The following PSG3 variants were observed in gnomAD, a reference collection of about 807,000 sequenced individuals.
PSG3 encodes the protein pregnancy specific beta-1-glycoprotein 3.
PSG3 carries 61 observed loss-of-function variants against 47.5 expected under a neutral mutation model. That is an observed-to-expected ratio of 1.28 (90% CI 1.05 to 1.59). The LOEUF is 1.59. PSG3 is among the 40% of genes most tolerant of loss of function. PSG3 has a pLI of 0.00. For missense variants in PSG3, 756 were observed against 524.0 expected (o/e 1.44, Z -4.32); for synonymous variants, 263 against 198.4 (o/e 1.33, Z -2.74).
intron 4 of PSG3, 64 bp from the exon 5 acceptor site, chr19:42,729,441 T>C: frequency 1.9e-6 from 3 of 1,561,918 alleles, no homozygotes; most frequent in Non-Finnish European, 2.6e-6. Context: ...TCCTGGTCTC[T>C]TAAAGGGACA....
intron 2 of PSG3, among the ~76,000 whole-genome samples, chr19:42,737,083 T>G (rs540905993): frequency 0.012 from 1,801 of 152,048 alleles, 31 homozygotes; most frequent in African/African-American, 0.042. Context: ...CAGTGAGGGC[T>G]ACACTGACTT....
At chr19:42,725,891 A>C (rs1969369040) in intron 5 of PSG3, among the ~76,000 whole-genome samples, 2 of 91,118 alleles carry the variant, frequency 2.2e-5, no homozygotes, top group Non-Finnish European at 4.5e-5. Flanking sequence ...AACAACAACC[A>C]AAAAAAAAAA....
chr19:42,723,354 A>G lies in PSG3; in HGVS notation c.*40+588T>C, dbSNP rs556521223. Among the ~76,000 whole-genome samples the G allele has an allele frequency of 2.6e-5, 4 of 152,310 alleles. 1 individual carries two copies. The highest frequency in any genetic ancestry group is 9.6e-5 in the African/African-American group (4 of 41,574). On this transcript the variant is annotated intron_variant, in intron 6 of 6. Coordinates refer to ENST00000327495, the MANE Select transcript of PSG3 (RefSeq NM_021016.4). ...TTGGAACTAAGAATTTTATATCTATATGGGTGAAGGGACAGGGGTGTGTAG... is the reference window on the plus strand; with the variant it reads ...TTGGAACTAAGAATTTTATATCTATGTGGGTGAAGGGACAGGGGTGTGTAG...
intron 5 of PSG3, among the ~76,000 whole-genome samples, chr19:42,725,105 G>A (rs1969355641): frequency 6.6e-6 from 1 of 152,136 alleles, no homozygotes; most frequent in Non-Finnish European, 1.5e-5. Flanking sequence ...AGGACTATTT[G>A]ACCTCTAGGC....
At chr19:42,740,256 C>T (rs186126863) in intron 1 of PSG3, 65 bp downstream of exon 1, 4 of 1,613,104 alleles carry the variant, frequency 2.5e-6, no homozygotes, top group Non-Finnish European at 3.4e-6. Context: ...GGAGTCTCTC[C>T]AGGAGACCCC....
intron 1 of PSG3, among the ~76,000 whole-genome samples, chr19:42,739,857 C>A (rs1353033196): frequency 6.6e-5 from 10 of 152,236 alleles, no homozygotes; most frequent in East Asian, 3.9e-4. Context: ...ATTCTGGTTC[C>A]TGTGACTTTC....
Position 42,729,887 on chromosome 19 carries a change from C to T in PSG3, c.879G>A (p.Arg293=). 6.2e-7 allele frequency: 1 copy of T among 1,612,438 alleles called. No homozygotes were observed. The highest frequency in any genetic ancestry group is 8.5e-7 in the Non-Finnish European group (1 of 1,179,848). The change falls in exon 4 of 7, where the codon AGG becomes AGA. Residue 293 remains arginine, a synonymous_variant. Coordinates refer to ENST00000327495, the MANE Select transcript of PSG3 (RefSeq NM_021016.4). ...TCGTGACACTGGGTAGAATGAGGATCCTGTTTTCAATGGGTCGCTTTACCC... is the reference window on the plus strand; with the variant it reads ...TCGTGACACTGGGTAGAATGAGGATTCTGTTTTCAATGGGTCGCTTTACCC... ...SPRVKRPIEN[R]ILILPSVTRN...
chr19:42,737,838 A>G (rs557334559), intron 2 of PSG3, among the ~76,000 whole-genome samples: 3 of 152,282 alleles, frequency 2.0e-5, no homozygotes, highest in South Asian at 4.1e-4. Flanking sequence ...AATAAGCTAA[A>G]TGGCAAATGG....
intron 5 of PSG3, 109 bp from the exon 6 acceptor site, chr19:42,724,134 G>A (rs2122158583): frequency 6.9e-7 from 1 of 1,446,246 alleles, no homozygotes; most frequent in East Asian, 2.3e-5. Flanking sequence ...TTTCTTCAAG[G>A]ACTACGTTAT....
Position 42,725,890 on chromosome 19 carries a change from C to CAAAAAAAAAAAAAAAAAAAAAAAA in PSG3, c.1244-1866_1244-1865insTTTTTTTTTTTTTTTTTTTTTTTT, listed in dbSNP as rs200684147. 2.3e-3 allele frequency among the ~76,000 whole-genome samples: 156 copies of CAAAAAAAAAAAAAAAAAAAAAAAA among 67,986 alleles called. 5 individuals carry two copies. Among genetic ancestry groups the CAAAAAAAAAAAAAAAAAAAAAAAA allele is most frequent in the African/African-American group, 8.8e-3 (141 of 15,974 alleles). The allele number at this position is 67,986 out of a possible 152,430, so 44.6% of individuals were successfully genotyped here. On this transcript the variant is annotated intron_variant, in intron 5 of 6. Transcript: ENST00000327495. The stretch of plus-strand genomic sequence containing the variant: ...TCTCTCTCTCTTCAACAACAACAAC[C>CAAAAAAAAAAAAAAAAAAAAAAAA]AAAAAAAAAAAAAAAAAAAGAAAAA...
intron 2 of PSG3, among the ~76,000 whole-genome samples, chr19:42,735,880 G>A (rs1436402282): frequency 6.6e-6 from 1 of 152,188 alleles, no homozygotes; most frequent in Non-Finnish European, 1.5e-5. Flanking sequence ...CTGCAGGCCT[G>A]TCCAGCCTCT....
At chr19:42,723,507 A>T (rs1969328621) in intron 6 of PSG3, among the ~76,000 whole-genome samples, 1 of 152,182 alleles carries the variant, frequency 6.6e-6, no homozygotes, top group Non-Finnish European at 1.5e-5. Context: ...GAGATTCTTG[A>T]TTAAGTGAAT....
intron 5 of PSG3, among the ~76,000 whole-genome samples, chr19:42,725,184 T>C (rs1478392642): frequency 1.3e-5 from 2 of 152,194 alleles, no homozygotes; most frequent in Non-Finnish European, 2.9e-5. Context: ...TTTTATTGAC[T>C]GCATTAAACC....
Position 42,721,812 on chromosome 19 carries a change from C to CA in PSG3, c.*318dup, listed in dbSNP as rs1452048538. Reference sequence around the variant, plus strand: ...GCATAAATCTGGAGAATAAAACATTCAAAGAATCAGCACATTTTCAAATAG... The same window carrying CA: ...GCATAAATCTGGAGAATAAAACATTCAAAAGAATCAGCACATTTTCAAATAG... On this transcript the variant is annotated 3_prime_UTR_variant, in exon 7 of 7. Transcript: ENST00000327495. The CA allele has an allele frequency of 2.4e-6, 1 of 410,036 alleles. No individual in the cohort carries two copies. The highest frequency in any genetic ancestry group is 4.4e-6 in the Non-Finnish European group (1 of 225,476). 25.4% of individuals were successfully genotyped at this position (410,036 alleles called of 1,614,324 possible).
intron 6 of PSG3, 92 bp downstream of exon 6, chr19:42,723,850 C>A: frequency 2.0e-6 from 2 of 988,886 alleles, no homozygotes; most frequent in South Asian, 2.8e-5. Flanking sequence ...GGAGGAGATC[C>A]AGTCCCAGAT....
At chr19:42,735,487 C>T (rs2122190750) in intron 2 of PSG3, among the ~76,000 whole-genome samples, 1 of 152,246 alleles carries the variant, frequency 6.6e-6, no homozygotes, top group African/African-American at 2.4e-5. Context: ...CTGGCTTGGC[C>T]TCCCAAATAG....
At chr19:42,732,656 A>T (rs756210349) in intron 3 of PSG3, 128 bp downstream of exon 3, 2 of 1,605,472 alleles carry the variant, frequency 1.2e-6, no homozygotes, top group East Asian at 4.5e-5. Flanking sequence ...GCAGAAAGTC[A>T]TGGCCAGGTT....
At chr19:42,723,612 G>A (rs544047805) in intron 6 of PSG3, among the ~76,000 whole-genome samples, 5 of 152,326 alleles carry the variant, frequency 3.3e-5, no homozygotes, top group Non-Finnish European at 7.3e-5. Context: ...AGAAGTGGTT[G>A]AGCTTTATGG....
In PSG3 at chr19:42,726,980, T is replaced by C. The variant is rs576692442; in HGVS notation, c.1243+2143A>G. On this transcript the variant is annotated intron_variant, in intron 5 of 6. Transcript: ENST00000327495. ...AATAACCCAGAAAGAAATGCTTGCA[T>C]ATATGGCCAAATGATTTTCATCGAG... 2.6e-5 allele frequency among the ~76,000 whole-genome samples: 4 copies of C among 152,278 alleles called. No homozygotes were observed. The East Asian group carries it at 7.7e-4, about 29-fold the overall frequency.
Sources: allele counts gnomAD v4.1 joint callset (sites outside exome capture counted in the v4.1 genomes callset), GRCh38; gene constraint gnomAD v4.1.1; transcripts MANE v1.5; gene names NCBI Gene and HGNC (gene_info 2026-07-23, HGNC 2026-07-21).